PDE4C: variants seen among roughly 807,000 people sequenced by gnomAD.
The protein encoded by PDE4C is 3',5'-cyclic-AMP phosphodiesterase 4C.
Under a neutral mutation model 63.9 loss-of-function variants are expected in PDE4C, and 50 were observed. The observed-to-expected ratio is 0.78, with a 90% CI of 0.62 to 0.99. PDE4C has a LOEUF of 0.99. Among genes scored for constraint, PDE4C ranks in the 50% least tolerant of loss-of-function variants. The pLI is 0.00. For missense variants in PDE4C, 777 were observed against 899.1 expected, an observed-to-expected ratio of 0.86 and a Z score of 1.74; for synonymous variants, 377 against 385.1, an observed-to-expected ratio of 0.98 and a Z score of 0.25.
chr19:18,240,870 C>T (rs1969024470), intron 1 of PDE4C, among the ~76,000 whole-genome samples: 1 of 152,320 alleles, frequency 6.6e-6, no homozygotes, highest in Non-Finnish European at 1.5e-5. Flanking sequence ...TGCAACATAG[C>T]TCATTTCCTT....
At chr19:18,221,390 A>G (rs1343561605) in intron 2 of PDE4C, 93 bp from the exon 3 acceptor site, 4 of 1,315,696 alleles carry the variant, frequency 3.0e-6, no homozygotes, top group Non-Finnish European at 3.1e-6. Context: ...TCCTGCTCTC[A>G]GGACTTCTCC....
chr19:18,215,659 T>C (rs566635639), intron 12 of PDE4C, among the ~76,000 whole-genome samples: 1 of 150,824 alleles, frequency 6.6e-6, no homozygotes, highest in Non-Finnish European at 1.5e-5. Flanking sequence ...AGACTACAGG[T>C]GCATGCCACC....
At chr19:18,222,387 AC>A (rs1220426724) in intron 1 of PDE4C, 64 bp from the exon 2 acceptor site, 1 of 1,482,904 alleles carries the variant, frequency 6.7e-7, no homozygotes, top group Non-Finnish European at 9.2e-7. Context: ...GGTCGTGGCC[AC>A]CTTGTCTGGT....
rs368114577 is a variant in PDE4C, at chr19:18,217,618, T to C, written c.1234+531A>G. On this transcript the variant is annotated intron_variant, in intron 11 of 14. Coordinates refer to ENST00000262805, the Ensembl canonical transcript of PDE4C. ...ACTTTAAGATCTTGGTGGAACTGTC[T>C]GGGCGCGGTGGCTCGTGCCTGTAAT... Among the ~76,000 whole-genome samples the C allele has an allele frequency of 1.4e-4, 22 of 151,888 alleles. No homozygotes were observed. In the East Asian group the frequency reaches 2.2e-3, roughly 15 times the overall value.
chr19:18,225,939 C>G (rs373838176), intron 1 of PDE4C, among the ~76,000 whole-genome samples: 41 of 152,308 alleles, frequency 2.7e-4, no homozygotes, highest in African/African-American at 9.1e-4. Flanking sequence ...CCCAGGCCGG[C>G]GAGGGTCAGG....
upstream of PDE4C, among the ~76,000 whole-genome samples, chr19:18,238,008 G>A (rs115654673): frequency 0.018 from 2,792 of 152,056 alleles, 85 homozygotes; most frequent in African/African-American, 0.064. Flanking sequence ...AGGGTGGTTT[G>A]ACCCCAGGAG....
chr19:18,241,510 G>C (rs1187995460), intron 1 of PDE4C, among the ~76,000 whole-genome samples: 1 of 151,610 alleles, frequency 6.6e-6, no homozygotes, highest in East Asian at 1.9e-4. Context: ...CTCATGATCT[G>C]CCCGCCTCGG....
chr19:18,211,827 C>T lies in PDE4C; in HGVS notation c.1627G>A (p.Glu543Lys), dbSNP rs760188691. 23 of 1,614,256 alleles carry T rather than the reference C, an allele frequency of 1.4e-5. 1 individual carries two copies. Among genetic ancestry groups the T allele is most frequent in the East Asian group, 2.2e-5 (1 of 44,892 alleles). The change falls in exon 14 of 15, where the codon GAG (glutamate) becomes AAG (lysine). Residue 543 changes from glutamate to lysine, a missense_variant. Around this residue, in one of 3 missense-constraint regions of PDE4C, gnomAD observed 500 missense variants for 597.8 expected, o/e 0.84. Coordinates refer to ENST00000262805, the Ensembl canonical transcript of PDE4C. Reference sequence around the variant, plus strand: ...CTGATGTCCAGGCCCGACTCACGCTCGCGGTCTCCCTGCTGGAAGAACTCG... The same window carrying T: ...CTGATGTCCAGGCCCGACTCACGCTTGCGGTCTCCCTGCTGGAAGAACTCG...
upstream of PDE4C, among the ~76,000 whole-genome samples, chr19:18,251,522 C>T (rs1279913926): frequency 6.6e-6 from 1 of 152,008 alleles, no homozygotes; most frequent in African/African-American, 2.4e-5. Context: ...GCAACCTCTG[C>T]CGCCTGGGTT....
rs1215945039 is a variant in PDE4C at position 18,219,007 on chromosome 19, T to G, written c.902A>C (p.Asp301Ala). 3 of 1,613,328 alleles carry G rather than the reference T, an allele frequency of 1.9e-6. No individual in the cohort carries two copies. The African/African-American group carries it at 4.0e-5, about 22-fold the overall frequency. ...ACTTAGCTCCGCCACCTTGAACACA[T>G]CAAGTCCCCACTTGTTGGTGTCTTC... Residue 301 changes from aspartate to alanine, a missense_variant, in exon 9 of 15, where the codon GAT becomes GCT. Physicochemically the swap from Asp to Ala is moderately radical, Grantham distance 126. Coordinates refer to ENST00000262805, the Ensembl canonical transcript of PDE4C.
intron 1 of PDE4C, among the ~76,000 whole-genome samples, chr19:18,243,674 C>A (rs556447075): frequency 6.6e-6 from 1 of 152,308 alleles, no homozygotes; most frequent in East Asian, 1.9e-4. Context: ...TTGCCAGCAT[C>A]TGGCTGTTGG....
intron 1 of PDE4C, among the ~76,000 whole-genome samples, chr19:18,241,270 T>G (rs1203642947): frequency 9.9e-6 from 1 of 101,008 alleles, no homozygotes; most frequent in Admixed American, 9.9e-5. Flanking sequence ...TTTTTTTTTT[T>G]TTTTTTTTTT....
chr19:18,220,553 C>T lies in PDE4C; in HGVS notation c.500-38G>A, dbSNP rs1454860617. ...GCAGTCAGGGGCCTGCCCAACCCCC[C>T]CGCTCAGGGACCCCACGCCTCTCGC... On this transcript the variant is annotated intron_variant, in intron 5 of 14. Coordinates refer to ENST00000262805, the Ensembl canonical transcript of PDE4C. This position sits in a 1 kb window ranked among gnomAD's most constrained non-coding sequence, Gnocchi z 5.1. The T allele has an allele frequency of 1.9e-6, 3 of 1,555,284 alleles. No homozygotes were observed. Among genetic ancestry groups the T allele is most frequent in the Non-Finnish European group, 2.7e-6 (3 of 1,131,498 alleles).
chr19:18,237,883 A>C (rs1968979779), upstream of PDE4C, among the ~76,000 whole-genome samples: 1 of 151,646 alleles, frequency 6.6e-6, no homozygotes, highest in Non-Finnish European at 1.5e-5. Flanking sequence ...AAAAAAAAAA[A>C]AAAAAAAAAA....
upstream of PDE4C, among the ~76,000 whole-genome samples, chr19:18,228,029 C>T (rs375061192): frequency 4.6e-5 from 7 of 152,066 alleles, no homozygotes; most frequent in East Asian, 9.6e-4. Context: ...AGACACCTGG[C>T]GGGAACCAGA....
intron 1 of PDE4C, among the ~76,000 whole-genome samples, chr19:18,246,732 A>G (rs1969141647): frequency 6.6e-6 from 1 of 152,086 alleles, no homozygotes. Flanking sequence ...GTTCAAGACC[A>G]GCCTGGCCAA....
intron 1 of PDE4C, among the ~76,000 whole-genome samples, chr19:18,239,885 G>A (rs1969009326): frequency 6.6e-6 from 1 of 151,972 alleles, no homozygotes; most frequent in Non-Finnish European, 1.5e-5. Flanking sequence ...AATTAGCCGA[G>A]CATGGCGCTT....
chr19:18,222,254 G>A (rs776286183), exon 2 of PDE4C: 2 of 1,614,048 alleles, frequency 1.2e-6, no homozygotes, highest in Non-Finnish European at 1.7e-6. Flanking sequence ...GCATAATCCG[G>A]CCCAGGCCAG....
chr19:18,211,983 C>T, intron 13 of PDE4C, 42 bp from the exon 14 acceptor site: 4 of 1,595,676 alleles, frequency 2.5e-6, no homozygotes, highest in Non-Finnish European at 3.4e-6. Flanking sequence ...CGGGGCCCAG[C>T]CACACCTAGA....
Sources: gnomAD v4.1 joint callset for allele counts (sites outside exome capture counted in the v4.1 genomes callset) on GRCh38, gnomAD v4.1.1 for gene constraint, gnomAD v4.1.1 regional missense constraint, Gnocchi (gnomAD v3.1) non-coding constraint, MANE v1.5 for transcripts, NCBI Gene and HGNC (gene_info 2026-07-23, HGNC 2026-07-21) for gene names.